DOK6: variants seen among roughly 807,000 people sequenced by gnomAD.
DOK6 encodes docking protein 6, also known as downstream of tyrosine kinase 6.
DOK6 carries 22 observed loss-of-function variants against 44.0 expected under a neutral mutation model. That is an observed-to-expected ratio of 0.50 (90% CI 0.36 to 0.71). The LOEUF is 0.71. Ranked by LOEUF, DOK6 falls within the 30% of genes least tolerant of loss-of-function variation. The probability of loss-of-function intolerance (pLI) is 0.00; values close to 1 mark genes in which losing one functional copy is unlikely to be tolerated. For missense variants in DOK6, 340 were observed against 416.4 expected, an observed-to-expected ratio of 0.82 and a Z score of 1.60; for synonymous variants, 166 against 145.5, an observed-to-expected ratio of 1.14 and a Z score of -1.01.
chr18:69,613,117 C>T (rs1256817743), intron 3 of DOK6, among the ~76,000 whole-genome samples: 3 of 152,256 alleles, frequency 2.0e-5, no homozygotes, highest in East Asian at 3.9e-4. Flanking sequence ...GCCATCCACC[C>T]GTCTCGGCCT....
intron 1 of DOK6, among the ~76,000 whole-genome samples, chr18:69,498,626 A>C (rs1980962720): frequency 6.6e-6 from 1 of 152,212 alleles, no homozygotes; most frequent in Non-Finnish European, 1.5e-5. Flanking sequence ...AAGTTACCCC[A>C]CAATTAAAAG....
At chr18:69,523,526 G>A (rs1300548329) in intron 1 of DOK6, among the ~76,000 whole-genome samples, 1 of 151,888 alleles carries the variant, frequency 6.6e-6, no homozygotes, top group Admixed American at 6.6e-5. Context: ...ATACATACAG[G>A]AAATCATCTA....
chr18:69,804,388 G>T (rs1235562589), intron 7 of DOK6, among the ~76,000 whole-genome samples: 1 of 152,040 alleles, frequency 6.6e-6, no homozygotes, highest in Non-Finnish European at 1.5e-5. Flanking sequence ...TTGACAAATG[G>T]TTTAATTCTT....
intron 7 of DOK6, among the ~76,000 whole-genome samples, chr18:69,759,128 T>C (rs575025639): frequency 6.6e-6 from 1 of 151,256 alleles, no homozygotes; most frequent in South Asian, 2.1e-4. Flanking sequence ...TGATAAAATA[T>C]TTAACAGAAT....
At chr18:69,798,736 A>T (rs913006678) in intron 7 of DOK6, among the ~76,000 whole-genome samples, 1 of 151,518 alleles carries the variant, frequency 6.6e-6, no homozygotes, top group South Asian at 2.1e-4. Flanking sequence ...ATGTTATTTT[A>T]AAATTATTAT....
chr18:69,537,087 C>T (rs1405569519), intron 1 of DOK6, among the ~76,000 whole-genome samples: 1 of 151,898 alleles, frequency 6.6e-6, no homozygotes, highest in Non-Finnish European at 1.5e-5. Context: ...CCTCCCACCT[C>T]AGCCTCCCAA....
intron 3 of DOK6, among the ~76,000 whole-genome samples, chr18:69,607,399 C>T (rs899329988): frequency 1.3e-5 from 2 of 151,884 alleles, no homozygotes; most frequent in East Asian, 3.9e-4. Flanking sequence ...CAGCAATATA[C>T]CATAGCAGGA....
chr18:69,739,196 C>T (rs995913290), intron 6 of DOK6, 93 bp downstream of exon 6: 25 of 1,531,296 alleles, frequency 1.6e-5, no homozygotes, highest in African/African-American at 6.9e-5. Flanking sequence ...TTCATGTCAG[C>T]GCCTGGGTGT....
At chr18:69,716,692 C>CAAAAAAA (rs11351701) in intron 5 of DOK6, among the ~76,000 whole-genome samples, 8 of 104,748 alleles carry the variant, frequency 7.6e-5, no homozygotes, top group African/African-American at 2.2e-4. Flanking sequence ...GCAGAATTGA[C>CAAAAAAA]AAAAAAAAAA....
At chr18:69,612,548 C>T (rs577361831) in intron 3 of DOK6, among the ~76,000 whole-genome samples, 7 of 130,516 alleles carry the variant, frequency 5.4e-5, no homozygotes, top group African/African-American at 2.0e-4. Flanking sequence ...ACACCTCACC[C>T]AACCGACTCC....
At chr18:69,535,534 T>C (rs1982099518) in intron 1 of DOK6, among the ~76,000 whole-genome samples, 1 of 151,786 alleles carries the variant, frequency 6.6e-6, no homozygotes, top group Non-Finnish European at 1.5e-5. Flanking sequence ...ATTTTCTAGG[T>C]TAATGAACTT....
rs571238568 is a variant in DOK6 at position 69,575,942 on chromosome 18, C to CA, written c.174+11356dup. On this transcript the variant is annotated intron_variant, in intron 2 of 7. Transcript: ENST00000382713. ...AGACCTAGACAATCAGCCATCAAGG[C>CA]AAAAAAAATCACAGAAGTTTTTAAA... Among the ~76,000 whole-genome samples the CA allele has an allele frequency of 1.3e-3, 198 of 151,322 alleles. 1 individual carries two copies. The highest frequency in any genetic ancestry group is 1.9e-3 in the Non-Finnish European group (129 of 67,706).
At chr18:69,735,482 C>G (rs1253926569) in intron 5 of DOK6, among the ~76,000 whole-genome samples, 1 of 152,216 alleles carries the variant, frequency 6.6e-6, no homozygotes, top group Non-Finnish European at 1.5e-5. Flanking sequence ...CAGGAGAGAC[C>G]AGGCAAAACC....
At chr18:69,432,163 C>T (rs1978824308) in intron 1 of DOK6, among the ~76,000 whole-genome samples, 1 of 152,182 alleles carries the variant, frequency 6.6e-6, no homozygotes, top group African/African-American at 2.4e-5. Context: ...ATCATTTTGT[C>T]TGGGCATGGT....
chr18:69,551,702 C>T (rs776121162), intron 1 of DOK6, among the ~76,000 whole-genome samples: 5 of 152,180 alleles, frequency 3.3e-5, no homozygotes, highest in Non-Finnish European at 5.9e-5. Flanking sequence ...AAGAAAATCA[C>T]TGTTATTTTT....
intron 1 of DOK6, among the ~76,000 whole-genome samples, chr18:69,528,784 C>G (rs17204309): frequency 0.03 from 4,565 of 152,228 alleles, 80 homozygotes; most frequent in Middle Eastern, 0.048. Flanking sequence ...TATCTTGGTT[C>G]GAAACTATTT....
chr18:69,832,673 T>C (rs1348549321), intron 7 of DOK6: 2 of 152,116 alleles, frequency 1.3e-5, no homozygotes, highest in African/African-American at 4.8e-5. Context: ...AGACTTTTAT[T>C]ACTCCTTCAA....
At chr18:69,828,689 A>C (rs1223267597) in intron 7 of DOK6, among the ~76,000 whole-genome samples, 1 of 151,196 alleles carries the variant, frequency 6.6e-6, no homozygotes, top group Non-Finnish European at 1.5e-5. Flanking sequence ...TATTGCTGTT[A>C]ACCTACCAGT....
At chr18:69,624,377 A>G (rs1984509284) in intron 3 of DOK6, among the ~76,000 whole-genome samples, 1 of 152,172 alleles carries the variant, frequency 6.6e-6, no homozygotes, top group South Asian at 2.1e-4. Context: ...CCACTTCTAT[A>G]AAACCTGCTA....
Sources: gnomAD v4.1 joint callset for allele counts (sites outside exome capture counted in the v4.1 genomes callset) on GRCh38, gnomAD v4.1.1 for gene constraint, MANE v1.5 for transcripts, NCBI Gene and HGNC (gene_info 2026-07-23, HGNC 2026-07-21) for gene names.